The following VTCN1 variants were observed in gnomAD, a reference collection of about 807,000 sequenced individuals.
VTCN1 encodes V-set domain-containing T-cell activation inhibitor 1.
Under a neutral mutation model 26.5 loss-of-function variants are expected in VTCN1, and 26 were observed. The observed-to-expected ratio is 0.98, with a 90% confidence interval of 0.72 to 1.36. VTCN1 has a LOEUF of 1.36. Among genes scored for constraint, VTCN1 ranks in the 40% most tolerant of loss-of-function variants. The pLI, the probability that VTCN1 is intolerant of heterozygous loss-of-function variation, is 0.00. For synonymous variants in VTCN1, 116 were observed against 130.7 expected, an observed-to-expected ratio of 0.89 and a Z score of 0.77; for missense variants, 298 against 337.7, an observed-to-expected ratio of 0.88 and a Z score of 0.92.
chr1:117,210,772 C>A lies in VTCN1; in HGVS notation c.32+52G>T. ...AGCAGTGCTCAGCATCCCCAAAAGA[C>A]CTCACTGCTGTTCCCTTCACCCATA... On this transcript the variant is annotated intron_variant, in intron 1 of 5. Transcript: ENST00000369458. The A allele has an allele frequency of 1.9e-6, 3 of 1,595,664 alleles. No individual in the cohort carries two copies. In the South Asian group the frequency reaches 3.3e-5, roughly 18 times the overall value.
rs548962427 is a variant in VTCN1 at position 117,178,317 on chromosome 1, C to T, written c.33-8146G>A. 4.9e-5 allele frequency among the ~76,000 whole-genome samples: 7 copies of T among 143,254 alleles called. No homozygotes were observed. In the South Asian group the frequency reaches 1.3e-3, roughly 27 times the overall value. The allele number at this position is 143,254 out of a possible 152,430, so 94.0% of individuals were successfully genotyped here. A position where few individuals can be genotyped will look rare whatever the true frequency, so the allele number is the denominator to read the frequency against. On this transcript the variant is annotated intron_variant, in intron 1 of 5. Transcript: ENST00000369458. ...TGTGACCCAGGCTGGAGTGCAGTGT[C>T]GTGATCTTGGCTCACTGCAACCTCC...
intron 1 of VTCN1, among the ~76,000 whole-genome samples, chr1:117,181,033 C>T (rs947804103): frequency 3.5e-4 from 54 of 152,218 alleles, no homozygotes; most frequent in African/African-American, 1.2e-3. Flanking sequence ...AGATTCAACA[C>T]GACTTTTTCC....
intron 1 of VTCN1, among the ~76,000 whole-genome samples, chr1:117,207,449 C>T (rs544145673): frequency 2.0e-5 from 3 of 152,236 alleles, no homozygotes; most frequent in Admixed American, 1.3e-4. Context: ...CCCTGACCCC[C>T]CTCTTCCTCT....
chr1:117,204,259 G>A (rs1648932553), intron 1 of VTCN1, among the ~76,000 whole-genome samples: 1 of 152,138 alleles, frequency 6.6e-6, no homozygotes, highest in Non-Finnish European at 1.5e-5. Context: ...AACTCACTTA[G>A]TCTTTATAAC....
At chr1:117,156,377 T>C (rs563397440) in intron 3 of VTCN1, among the ~76,000 whole-genome samples, 197 bp downstream of exon 3, 53 of 152,316 alleles carry the variant, frequency 3.5e-4, no homozygotes, top group Middle Eastern at 3.4e-3. Flanking sequence ...GAACAAAAGA[T>C]TTTTAAGGCC....
At chr1:117,201,031 T>A (rs1648760786) in intron 1 of VTCN1, among the ~76,000 whole-genome samples, 1 of 152,200 alleles carries the variant, frequency 6.6e-6, no homozygotes, top group East Asian at 1.9e-4. Flanking sequence ...TCTGCCCCCC[T>A]TGGCCTCCCA....
intron 1 of VTCN1, among the ~76,000 whole-genome samples, chr1:117,178,117 T>A (rs1647463610): frequency 6.6e-6 from 1 of 151,878 alleles, no homozygotes; most frequent in African/African-American, 2.4e-5. Context: ...AAACAAAAAA[T>A]TTGTAGAGAC....
At chr1:117,170,643 C>T (rs950601017) in intron 1 of VTCN1, among the ~76,000 whole-genome samples, 8 of 152,110 alleles carry the variant, frequency 5.3e-5, no homozygotes, top group African/African-American at 1.9e-4. Context: ...TCACTTTGTA[C>T]CCACTCACAC....
chr1:117,178,841 T>C (rs1489934826), intron 1 of VTCN1, among the ~76,000 whole-genome samples: 2 of 152,086 alleles, frequency 1.3e-5, no homozygotes, highest in African/African-American at 4.8e-5. Flanking sequence ...TCCTCCCACC[T>C]TGGCCTCTAG....
rs1651516368 is a variant in VTCN1, at chr1:117,146,477, C to T, written c.*45+1136G>A. 6.6e-6 allele frequency among the ~76,000 whole-genome samples: 1 copy of T among 152,118 alleles called. No homozygotes were observed. The highest frequency in any genetic ancestry group is 2.4e-5 in the African/African-American group (1 of 41,410). ...TACATGTACCCTGGAGAGTGTAAGA[C>T]ATAAATCATACATGCATGCCAAGAG... On this transcript the variant is annotated intron_variant, in intron 5 of 5. Transcript: ENST00000369458. The surrounding 1 kb of genome is among the most constrained non-coding windows in gnomAD (Gnocchi z 4.2).
chr1:117,197,156 G>T (rs982051664), intron 1 of VTCN1, among the ~76,000 whole-genome samples: 1 of 152,054 alleles, frequency 6.6e-6, no homozygotes, highest in African/African-American at 2.4e-5. Flanking sequence ...CAATATGTTG[G>T]GGTCAGTATT....
Position 117,144,617 on chromosome 1 carries a change from C to G in VTCN1, c.*654G>C, listed in dbSNP as rs1177322671. 6.6e-6 allele frequency: 1 copy of G among 152,158 alleles called. No individual in the cohort carries two copies. The highest frequency in any genetic ancestry group is 1.5e-5 in the Non-Finnish European group (1 of 67,994). 9.4% of individuals were successfully genotyped at this position (152,158 alleles called of 1,614,324 possible). On this transcript the variant is annotated 3_prime_UTR_variant, in exon 6 of 6. Transcript: ENST00000369458. ...CAGTTTATTTATAAAATCGGTGTCG[C>G]CGACTGCTCTGTTTATGCTAAAATT... is the stretch of plus-strand genomic sequence containing the variant.
At chr1:117,160,753 G>A (rs1403355041) in intron 2 of VTCN1, among the ~76,000 whole-genome samples, 1 of 152,176 alleles carries the variant, frequency 6.6e-6, no homozygotes, top group Non-Finnish European at 1.5e-5. Flanking sequence ...TTTAATGTGA[G>A]AGGTAAACAT....
intron 1 of VTCN1, among the ~76,000 whole-genome samples, chr1:117,192,750 C>A (rs1648306217): frequency 6.6e-6 from 1 of 150,584 alleles, no homozygotes; most frequent in Admixed American, 6.6e-5. Context: ...CAGGATAACT[C>A]AAAAAAAATT....
intron 1 of VTCN1, among the ~76,000 whole-genome samples, chr1:117,173,853 G>A (rs563573665): frequency 1.3e-5 from 2 of 152,146 alleles, no homozygotes; most frequent in African/African-American, 2.4e-5. Flanking sequence ...TGTGCATTTC[G>A]GCCAAAGCTC....
chr1:117,152,683 T>G (rs899341209), intron 4 of VTCN1, among the ~76,000 whole-genome samples: 1 of 151,308 alleles, frequency 6.6e-6, no homozygotes, highest in Non-Finnish European at 1.5e-5. Context: ...AAAGGCAGGG[T>G]GGAAGCAAAC....
chr1:117,176,581 A>G lies in VTCN1; in HGVS notation c.33-6410T>C, dbSNP rs192116366. Among the ~76,000 whole-genome samples, 9 of 152,362 alleles carry G rather than the reference A, an allele frequency of 5.9e-5. No homozygotes were observed. In the East Asian group the frequency reaches 1.7e-3, roughly 29 times the overall value. ...TACTAACAGAACTGGGAGATACCAC[A>G]TTCCTTATAGATCATTAGTTTAGCT... On this transcript the variant is annotated intron_variant, in intron 1 of 5. Transcript: ENST00000369458.
At chr1:117,207,187 C>T (rs6674646) in intron 1 of VTCN1, among the ~76,000 whole-genome samples, 132,541 of 152,174 alleles carry the variant, frequency 0.87, 59,314 homozygotes, top group Non-Finnish European at 0.97. Flanking sequence ...GCCTCCTTGT[C>T]CCAGGATCCC....
chr1:117,188,232 G>A (rs1423190382), intron 1 of VTCN1, among the ~76,000 whole-genome samples: 4 of 152,160 alleles, frequency 2.6e-5, no homozygotes, highest in South Asian at 2.1e-4. Flanking sequence ...AGAGAGAGAA[G>A]GAGAGAGACG....
Sources: allele counts gnomAD v4.1 joint callset (sites outside exome capture counted in the v4.1 genomes callset), GRCh38; gene constraint gnomAD v4.1.1; non-coding constraint Gnocchi (gnomAD v3.1); transcripts MANE v1.5; gene names NCBI Gene and HGNC (gene_info 2026-07-23, HGNC 2026-07-21).